The following PDE2A variants were observed in gnomAD, a reference collection of about 807,000 sequenced individuals.
PDE2A encodes the protein phosphodiesterase 2A.
Under a neutral mutation model 133.6 loss-of-function variants are expected in PDE2A, and 53 were observed. The ratio of observed to expected loss-of-function variants is 0.40; its 90% confidence interval spans 0.32 to 0.50. The LOEUF (loss-of-function observed/expected upper bound fraction) is 0.50, where lower values mean the gene tolerates loss of function less well. PDE2A is among the 20% of genes least tolerant of loss of function. The probability of loss-of-function intolerance (pLI) is 0.73; values close to 1 mark genes in which losing one functional copy is unlikely to be tolerated. For synonymous variants in PDE2A, 491 were observed against 490.2 expected, an observed-to-expected ratio of 1.00 and a Z score of -0.02; for missense variants, 796 against 1,232.4, an observed-to-expected ratio of 0.65 and a Z score of 5.30.
chr11:72,644,036 C>T (rs939708978), intron 1 of PDE2A, among the ~76,000 whole-genome samples: 1 of 152,198 alleles, frequency 6.6e-6, no homozygotes, highest in Non-Finnish European at 1.5e-5. Flanking sequence ...GCTCTTCTCA[C>T]ATCAATGACT....
At chr11:72,611,799 C>T (rs566459690) in intron 2 of PDE2A, among the ~76,000 whole-genome samples, 1 of 152,212 alleles carries the variant, frequency 6.6e-6, no homozygotes, top group Non-Finnish European at 1.5e-5. Context: ...AGATCTGGCA[C>T]TCAAAGGGGC....
At chr11:72,611,038 C>T (rs1316811946) in intron 2 of PDE2A, among the ~76,000 whole-genome samples, 1 of 152,220 alleles carries the variant, frequency 6.6e-6, no homozygotes, top group East Asian at 1.9e-4. Context: ...CTAAAGACAG[C>T]ACAGAAGGTG....
chr11:72,577,482 T>C lies in PDE2A; in HGVS notation c.2728A>G (p.Asn910Asp), dbSNP rs1855518564. 1.2e-6 allele frequency: 2 copies of C among 1,613,962 alleles called. No homozygotes were observed. The highest frequency in any genetic ancestry group is 8.5e-7 in the Non-Finnish European group (1 of 1,179,994). The part of the protein sequence containing the change: ...HKFTIRGLPS[N>D]NSLDFLDEEY... ...TCATCCAGGAAGTCCAGCGAGTTGT[T>C]ACTTGGGAGGCCGCGGATGGTGAAC... The change falls in exon 31 of 31, where the codon AAC (asparagine) becomes GAC (aspartate). Residue 910 changes from asparagine (N) to aspartate (D), a missense_variant. Around this residue, in one of 7 missense-constraint regions of PDE2A, gnomAD observed 83 missense variants for 99.0 expected, o/e 0.84. Transcript: ENST00000334456.
At chr11:72,582,294 G>A (rs1855758265) in intron 21 of PDE2A, 150 bp downstream of exon 21, 1 of 763,940 alleles carries the variant, frequency 1.3e-6, no homozygotes, top group Non-Finnish European at 2.1e-6. Context: ...GCTTCCTGAT[G>A]GCAGACTACA....
chr11:72,585,314 G>A (rs1369109500), intron 16 of PDE2A, 57 bp downstream of exon 16: 5 of 1,419,516 alleles, frequency 3.5e-6, no homozygotes, highest in Middle Eastern at 2.0e-4. Context: ...GAAAGGAGAT[G>A]ATGGGGACTG....
chr11:72,616,699 T>A (rs948286686), intron 2 of PDE2A, among the ~76,000 whole-genome samples: 1 of 152,160 alleles, frequency 6.6e-6, no homozygotes, highest in Admixed American at 6.5e-5. Context: ...TTTGGCAACC[T>A]CTCCCAGGCA....
At chr11:72,644,278 A>T (rs1859066675) in intron 1 of PDE2A, among the ~76,000 whole-genome samples, 1 of 152,170 alleles carries the variant, frequency 6.6e-6, no homozygotes, top group African/African-American at 2.4e-5. Context: ...AAGTCAATGT[A>T]TTTTACTGAA....
At chr11:72,608,779 G>C (rs748565825) in intron 2 of PDE2A, 28 bp from the exon 3 acceptor site, 3 of 1,320,094 alleles carry the variant, frequency 2.3e-6, no homozygotes, top group Non-Finnish European at 3.2e-6. Flanking sequence ...GCAGTGAGAG[G>C]CTTTGCCAGG....
chr11:72,670,207 C>G (rs1855353330), intron 1 of PDE2A, among the ~76,000 whole-genome samples: 2 of 150,594 alleles, frequency 1.3e-5, no homozygotes, highest in Non-Finnish European at 2.9e-5. Context: ...AAGGCCAGCC[C>G]CAATGGCCCC....
In PDE2A at chr11:72,597,490, G is replaced by A; in HGVS notation, c.433+20C>T. The A allele has an allele frequency of 1.5e-6, 2 of 1,332,320 alleles. No homozygotes were observed. The highest frequency in any genetic ancestry group is 2.1e-6 in the Non-Finnish European group (2 of 960,884). The allele number at this position is 1,332,320 out of a possible 1,614,324, so 82.5% of individuals were successfully genotyped here. A position where few individuals can be genotyped will look rare whatever the true frequency, so the allele number is the denominator to read the frequency against. ...CCTCCCTGCCCCTGCCCCTGCCCCT[G>A]CCCAGCCCCTAGCCCTTACCTTGGG... is the stretch of plus-strand genomic sequence containing the variant. On this transcript the variant is annotated intron_variant, in intron 5 of 30. Transcript: ENST00000334456. The surrounding 1 kb of genome is among the most constrained non-coding windows in gnomAD (Gnocchi z 4.6).
At chr11:72,672,106 C>T (rs529703128) in intron 1 of PDE2A, among the ~76,000 whole-genome samples, 1 of 152,230 alleles carries the variant, frequency 6.6e-6, no homozygotes, top group Admixed American at 6.5e-5. Flanking sequence ...GCCTCCTGGC[C>T]CCACCTCTCT....
Position 72,596,604 on chromosome 11 carries a change from C to T in PDE2A, c.478G>A (p.Ala160Thr). ...LADKEAGAVA[A>T]VILVHCGQLS... ...AGGCAGGCTCTTACCAAGATGACAG[C>T]TGCCACGGCCCCAGCCTCCTTGTCC... Residue 160 changes from alanine to threonine, a missense_variant, in exon 6 of 31, where the codon GCT becomes ACT. Transcript: ENST00000334456. 2 of 1,499,278 alleles carry T rather than the reference C, an allele frequency of 1.3e-6. No individual in the cohort carries two copies. Among genetic ancestry groups the T allele is most frequent in the East Asian group, 2.5e-5 (1 of 39,294 alleles). The allele number at this position is 1,499,278 out of a possible 1,614,324, so 92.9% of individuals were successfully genotyped here. A position where few individuals can be genotyped will look rare whatever the true frequency, so the allele number is the denominator to read the frequency against.
intron 4 of PDE2A, among the ~76,000 whole-genome samples, chr11:72,604,213 C>T (rs1329773597): frequency 6.6e-6 from 1 of 152,246 alleles, no homozygotes; most frequent in Non-Finnish European, 1.5e-5. Flanking sequence ...CTCCTCCCAG[C>T]AGCATGCCTG....
chr11:72,634,618 G>T (rs1858590118), intron 2 of PDE2A, among the ~76,000 whole-genome samples: 1 of 152,212 alleles, frequency 6.6e-6, no homozygotes, highest in Admixed American at 6.5e-5. Flanking sequence ...CTGCAGCCTG[G>T]ACCCCTCCCC....
chr11:72,604,360 C>T (rs1234448394), intron 4 of PDE2A, among the ~76,000 whole-genome samples: 1 of 152,232 alleles, frequency 6.6e-6, no homozygotes, highest in Non-Finnish European at 1.5e-5. Flanking sequence ...TCATGATATC[C>T]ACCCATCTGG....
intron 4 of PDE2A, among the ~76,000 whole-genome samples, chr11:72,604,143 C>A (rs536516816): frequency 6.6e-6 from 1 of 152,362 alleles, no homozygotes; most frequent in South Asian, 2.1e-4. Flanking sequence ...GCTCCCTGGG[C>A]CCCACAATGG....
chr11:72,579,408 G>A (rs761024714), intron 26 of PDE2A, 25 bp from the exon 27 acceptor site: 12 of 1,595,954 alleles, frequency 7.5e-6, no homozygotes, highest in Non-Finnish European at 9.4e-6. Flanking sequence ...GGGGTGTCAT[G>A]CCCTCCTACT....
chr11:72,655,507 G>A (rs113241455), intron 1 of PDE2A, among the ~76,000 whole-genome samples: 6 of 151,304 alleles, frequency 4.0e-5, no homozygotes, highest in African/African-American at 1.5e-4. Flanking sequence ...GTGTGTGCAC[G>A]CACGTGTGTG....
chr11:72,581,824 A>C, intron 22 of PDE2A, 53 bp downstream of exon 22: 2 of 1,504,788 alleles, frequency 1.3e-6, no homozygotes, highest in Non-Finnish European at 1.9e-6. Flanking sequence ...AACGGATGTG[A>C]CAGTAGAGGA....
Sources: gnomAD v4.1 joint callset for allele counts (sites outside exome capture counted in the v4.1 genomes callset) on GRCh38, gnomAD v4.1.1 for gene constraint, gnomAD v4.1.1 regional missense constraint, Gnocchi (gnomAD v3.1) non-coding constraint, MANE v1.5 for transcripts, NCBI Gene and HGNC (gene_info 2026-07-23, HGNC 2026-07-21) for gene names.